The following SGCZ variants were observed in gnomAD, a reference collection of about 807,000 sequenced individuals.
SGCZ encodes sarcoglycan zeta.
SGCZ carries 40 observed loss-of-function variants against 41.3 expected under a neutral mutation model. The observed-to-expected ratio is 0.97, with a 90% CI of 0.75 to 1.26. The LOEUF (loss-of-function observed/expected upper bound fraction) is 1.26, where lower values mean the gene tolerates loss of function less well. Among genes scored for constraint, SGCZ ranks in the 50% most tolerant of loss-of-function variants. SGCZ has a pLI of 0.00. For synonymous variants in SGCZ, 206 were observed against 137.5 expected (o/e 1.50, Z -3.49); for missense variants, 552 against 369.8 (o/e 1.49, Z -4.04).
chr8:14,185,825 G>A (rs932846353), intron 4 of SGCZ, among the ~76,000 whole-genome samples: 27 of 152,136 alleles, frequency 1.8e-4, no homozygotes, highest in African/African-American at 6.3e-4. Context: ...AAATGAAATT[G>A]AGCAGACCCC....
At chr8:14,460,842 G>C (rs1324091353) in intron 2 of SGCZ, among the ~76,000 whole-genome samples, 2 of 152,022 alleles carry the variant, frequency 1.3e-5, no homozygotes, top group African/African-American at 4.8e-5. Flanking sequence ...AGACAGTATT[G>C]TTAATTATTT....
intron 4 of SGCZ, among the ~76,000 whole-genome samples, chr8:14,170,265 T>C (rs551609929): frequency 1.3e-5 from 2 of 152,246 alleles, no homozygotes; most frequent in East Asian, 3.9e-4. Flanking sequence ...GAAGTAATGC[T>C]GTGAGGAAAG....
In SGCZ at chr8:15,123,057, G is replaced by A. The variant is rs116299804; in HGVS notation, c.39+114528C>T. Reference sequence around the variant, plus strand: ...GATATTTGTCACCCAATGGCACTCTGGTACTGCTCTGTAACTAGAAAATCC... The same window carrying A: ...GATATTTGTCACCCAATGGCACTCTAGTACTGCTCTGTAACTAGAAAATCC... On this transcript the variant is annotated intron_variant, in intron 1 of 7. Transcript: ENST00000382080. Among the ~76,000 whole-genome samples, 491 of 152,230 alleles carry A rather than the reference G, an allele frequency of 3.2e-3. 1 individual carries two copies. Among genetic ancestry groups the A allele is most frequent in the African/African-American group, 0.011 (473 of 41,556 alleles).
intron 2 of SGCZ, among the ~76,000 whole-genome samples, chr8:14,488,204 TTGA>T (rs1301892792): frequency 6.6e-6 from 1 of 152,010 alleles, no homozygotes. Flanking sequence ...TCTCACTAGT[TTGA>T]TGATATTATT....
At chr8:14,443,018 A>G (rs543381332) in intron 2 of SGCZ, among the ~76,000 whole-genome samples, 1 of 152,308 alleles carries the variant, frequency 6.6e-6, no homozygotes, top group Non-Finnish European at 1.5e-5. Context: ...AACCAATAAC[A>G]GCCAAACAGA....
intron 1 of SGCZ, among the ~76,000 whole-genome samples, chr8:14,594,512 A>G (rs1805345948): frequency 6.7e-6 from 1 of 150,306 alleles, no homozygotes; most frequent in African/African-American, 2.5e-5. Flanking sequence ...ACAAGAAAAT[A>G]TAATTCCCGT....
At chr8:14,696,434 G>A (rs1300681656) in intron 1 of SGCZ, among the ~76,000 whole-genome samples, 3 of 152,078 alleles carry the variant, frequency 2.0e-5, no homozygotes, top group African/African-American at 7.2e-5. Context: ...GCCTCCCTGA[G>A]CTTAAAGAAT....
intron 1 of SGCZ, among the ~76,000 whole-genome samples, chr8:14,957,500 A>G (rs1055169431): frequency 6.6e-6 from 1 of 152,044 alleles, no homozygotes; most frequent in Non-Finnish European, 1.5e-5. Context: ...CATATTTTAT[A>G]TTTAATATAC....
At chr8:14,689,903 T>C (rs1352971142) in intron 1 of SGCZ, among the ~76,000 whole-genome samples, 1 of 152,190 alleles carries the variant, frequency 6.6e-6, no homozygotes, top group South Asian at 2.1e-4. Context: ...TTTATGACAA[T>C]GTCACTTACT....
intron 3 of SGCZ, among the ~76,000 whole-genome samples, chr8:14,279,141 C>G (rs1025285684): frequency 6.6e-6 from 1 of 151,932 alleles, no homozygotes; most frequent in Non-Finnish European, 1.5e-5. Context: ...GAGATAAAAG[C>G]TATGTGCCAG....
chr8:14,844,801 C>T (rs2130636423), intron 1 of SGCZ, among the ~76,000 whole-genome samples: 1 of 152,294 alleles, frequency 6.6e-6, no homozygotes, highest in Non-Finnish European at 1.5e-5. Flanking sequence ...TCTGAAACAA[C>T]AGTTTCAACA....
intron 2 of SGCZ, among the ~76,000 whole-genome samples, chr8:14,435,413 G>C (rs1800060657): frequency 6.6e-6 from 1 of 152,018 alleles, no homozygotes; most frequent in African/African-American, 2.4e-5. Flanking sequence ...TAGTCACATA[G>C]CATTAGTTTT....
chr8:14,581,343 GCGAACAGCCCACCT>G (rs1804882022), intron 1 of SGCZ, among the ~76,000 whole-genome samples: 1 of 152,092 alleles, frequency 6.6e-6, no homozygotes, highest in South Asian at 2.1e-4. Flanking sequence ...CTGGCCTCAA[GCGAACAGCCCACCT>G]CGACCTTCCA....
chr8:14,408,072 T>TTGAATTAATGG (rs2117267658), intron 2 of SGCZ, among the ~76,000 whole-genome samples: 1 of 152,268 alleles, frequency 6.6e-6, no homozygotes, highest in East Asian at 1.9e-4. Context: ...TAATGGGAAT[T>TTGAATTAATGG]CACTTCCTTT....
chr8:14,194,498 T>C (rs1037004793), intron 4 of SGCZ, among the ~76,000 whole-genome samples: 1 of 151,914 alleles, frequency 6.6e-6, no homozygotes, highest in African/African-American at 2.4e-5. Context: ...GCTTGAGTAT[T>C]CATTTATGTT....
intron 2 of SGCZ, among the ~76,000 whole-genome samples, chr8:14,417,456 T>G (rs1199146511): frequency 2.0e-5 from 3 of 151,890 alleles, no homozygotes; most frequent in African/African-American, 4.8e-5. Context: ...ATTTCCCCAG[T>G]GATTATTATT....
chr8:14,930,109 TG>T (rs1368208355), intron 1 of SGCZ, among the ~76,000 whole-genome samples: 6 of 151,952 alleles, frequency 3.9e-5, no homozygotes, highest in Admixed American at 2.0e-4. Context: ...TATGATATTG[TG>T]AATTAAATGT....
intron 2 of SGCZ, among the ~76,000 whole-genome samples, chr8:14,462,148 C>T (rs1800918542): frequency 6.6e-6 from 1 of 151,838 alleles, no homozygotes; most frequent in African/African-American, 2.4e-5. Flanking sequence ...AACATTGTGA[C>T]ACTCAATTGC....
At chr8:14,739,271 GA>G (rs1292515541) in intron 1 of SGCZ, among the ~76,000 whole-genome samples, 3 of 151,672 alleles carry the variant, frequency 2.0e-5, no homozygotes, top group Admixed American at 6.6e-5. Context: ...ATTAAAAGGG[GA>G]AAAATCAAAC....
Sources: allele counts gnomAD v4.1 joint callset (sites outside exome capture counted in the v4.1 genomes callset), GRCh38; gene constraint gnomAD v4.1.1; transcripts MANE v1.5; gene names NCBI Gene and HGNC (gene_info 2026-07-23, HGNC 2026-07-21).